The following ZSCAN4 variants were observed in gnomAD, a reference collection of about 807,000 sequenced individuals.
The protein encoded by ZSCAN4 is zinc finger and SCAN domain-containing protein 4.
A neutral mutation model predicts 18.3 loss-of-function variants in ZSCAN4; 18 were observed. The observed-to-expected ratio is 0.98, with a 90% confidence interval of 0.68 to 1.46. The LOEUF (loss-of-function observed/expected upper bound fraction) is 1.46, where lower values mean the gene tolerates loss of function less well. Among genes scored for constraint, ZSCAN4 ranks in the 40% most tolerant of loss-of-function variants. The pLI is 0.00. For synonymous variants in ZSCAN4, 193 were observed against 180.3 expected (o/e 1.07, Z -0.57); for missense variants, 498 against 511.4 (o/e 0.97, Z 0.25).
chr19:57,659,385 T>C, the ZSCAN4 span, among the ~76,000 whole-genome samples: 2 of 148,732 alleles, frequency 1.3e-5, no homozygotes, highest in African/African-American at 2.5e-5. Flanking sequence ...CCACAAAAAA[T>C]ATGCAATAAT....
chr19:57,654,801 C>T, the ZSCAN4 span, among the ~76,000 whole-genome samples: 1 of 152,284 alleles, frequency 6.6e-6, no homozygotes, highest in Non-Finnish European at 1.5e-5. Context: ...TTCACCTGGA[C>T]AGATCCTGAT....
upstream of ZSCAN4, among the ~76,000 whole-genome samples, chr19:57,667,155 T>C (rs1008926771): frequency 2.0e-5 from 3 of 152,262 alleles, no homozygotes; most frequent in Non-Finnish European, 2.9e-5. Flanking sequence ...TAAATTACTA[T>C]GTGGATTTCA....
intron 2 of ZSCAN4, 30 bp from the exon 3 acceptor site, chr19:57,676,011 A>G (rs1984169972): frequency 3.4e-6 from 3 of 881,478 alleles, no homozygotes; most frequent in Admixed American, 3.0e-5. Context: ...CAGTGGTGCA[A>G]TTAATTACTC....
At chr19:57,661,715 A>G in the ZSCAN4 span, among the ~76,000 whole-genome samples, 2 of 152,228 alleles carry the variant, frequency 1.3e-5, no homozygotes, top group Admixed American at 6.5e-5. Context: ...ATAAAAGTAG[A>G]CCTGTATAAA....
At chr19:57,652,090 T>A in the ZSCAN4 span, among the ~76,000 whole-genome samples, 4 of 152,010 alleles carry the variant, frequency 2.6e-5, no homozygotes, top group African/African-American at 9.7e-5. Flanking sequence ...ATGATTGGAA[T>A]CAGGATACTC....
intron 2 of ZSCAN4, among the ~76,000 whole-genome samples, chr19:57,672,454 T>G (rs1257393317): frequency 6.6e-6 from 1 of 152,130 alleles, no homozygotes; most frequent in African/African-American, 2.4e-5. Flanking sequence ...CTTTTTCTTG[T>G]TTTCCCTAGC....
exon 3 of ZSCAN4, chr19:57,676,176 T>C: frequency 1.2e-6 from 2 of 1,613,732 alleles, no homozygotes; most frequent in South Asian, 1.1e-5. Flanking sequence ...CATATTTCAG[T>C]GTGAACCATC....
the ZSCAN4 span, among the ~76,000 whole-genome samples, chr19:57,662,080 CAAA>C: frequency 2.2e-5 from 3 of 139,468 alleles, no homozygotes; most frequent in Non-Finnish European, 3.1e-5. Context: ...GACTCTGTCT[CAAA>C]AAAAAAAAAA....
chr19:57,665,809 G>A (rs930514154), upstream of ZSCAN4, among the ~76,000 whole-genome samples: 4 of 152,126 alleles, frequency 2.6e-5, no homozygotes, highest in Non-Finnish European at 4.4e-5. Context: ...CTACTCCGGA[G>A]GCTGAGGCAG....
Position 57,678,680 on chromosome 19 carries a change from G to A in ZSCAN4, c.1077G>A (p.Gln359=), listed in dbSNP as rs139172552. The A allele has an allele frequency of 2.5e-4, 397 of 1,614,146 alleles. 2 individuals are homozygous for A. The African/African-American group carries it at 4.9e-3, about 20-fold the overall frequency. The change falls in exon 5 of 5, where the codon CAG becomes CAA. Residue 359 remains glutamine, a synonymous_variant. Coordinates refer to ENST00000318203, the Ensembl canonical transcript of ZSCAN4. ...AGATATCAGACCTACGGGTGCATCA[G>A]ATAATTCACACAGGAAAGAAGCCTT...
chr19:57,679,127 T>G (rs1465918184), exon 5 of ZSCAN4: 2 of 358,938 alleles, frequency 5.6e-6, no homozygotes, highest in African/African-American at 2.1e-5. Flanking sequence ...ACCAATAAAT[T>G]TCTGTTGAAT....
At chr19:57,672,983 C>T (rs1984067512) in intron 2 of ZSCAN4, among the ~76,000 whole-genome samples, 1 of 152,098 alleles carries the variant, frequency 6.6e-6, no homozygotes, top group Admixed American at 6.6e-5. Context: ...TACATCAGAT[C>T]TCCAGAGCAT....
At chr19:57,672,025 T>C (rs944698052) in intron 2 of ZSCAN4, among the ~76,000 whole-genome samples, 1 of 152,112 alleles carries the variant, frequency 6.6e-6, no homozygotes, top group African/African-American at 2.4e-5. Flanking sequence ...AAAATAGCAA[T>C]GATATATTAA....
At position 57,670,584 on chromosome 19, in the gene ZSCAN4, G is replaced by A. The variant is rs1983988318; in HGVS notation, c.-106+17G>A. ...ACCAAGGAGGTAAGCTTCCATAATG[G>A]AAGGAAAATTTTGTGCCTTTGAGTG... is the stretch of plus-strand genomic sequence containing the variant. On this transcript the variant is annotated intron_variant, in intron 2 of 4. Coordinates refer to ENST00000318203, the Ensembl canonical transcript of ZSCAN4. The A allele has an allele frequency of 6.6e-6, 1 of 152,242 alleles. No homozygotes were observed. The highest frequency in any genetic ancestry group is 1.5e-5 in the Non-Finnish European group (1 of 68,070). The allele number at this position is 152,242 out of a possible 1,614,324, so 9.4% of individuals were successfully genotyped here.
chr19:57,673,269 C>T (rs1035938047), intron 2 of ZSCAN4, among the ~76,000 whole-genome samples: 2 of 151,878 alleles, frequency 1.3e-5, no homozygotes, highest in African/African-American at 2.4e-5. Flanking sequence ...TCAAGTGATA[C>T]GCCTGTCTCG....
At chr19:57,675,508 C>A (rs764935828) in intron 2 of ZSCAN4, among the ~76,000 whole-genome samples, 1 of 152,192 alleles carries the variant, frequency 6.6e-6, no homozygotes, top group African/African-American at 2.4e-5. Context: ...TCTCGAACTC[C>A]TGACCTCAAG....
the ZSCAN4 span, among the ~76,000 whole-genome samples, chr19:57,663,520 T>TAAAAAAAAAAAAAAAAAAAAAAA: frequency 3.3e-4 from 22 of 66,574 alleles, no homozygotes; most frequent in African/African-American, 1.4e-3. Flanking sequence ...ACCATGTCTC[T>TAAAAAAAAAAAAAAAAAAAAAAA]AAAAAAAAAA....
At chr19:57,661,684 C>T in the ZSCAN4 span, among the ~76,000 whole-genome samples, 1 of 152,068 alleles carries the variant, frequency 6.6e-6, no homozygotes, top group Admixed American at 6.6e-5. Context: ...TTTAAAAATG[C>T]TATTGAGGTA....
At chr19:57,653,006 C>T in the ZSCAN4 span, among the ~76,000 whole-genome samples, 6 of 152,270 alleles carry the variant, frequency 3.9e-5, no homozygotes, top group Non-Finnish European at 7.3e-5. Context: ...AGCTCATAAC[C>T]CAGTTGGGGC....
Sources: allele counts gnomAD v4.1 joint callset (sites outside exome capture counted in the v4.1 genomes callset), GRCh38; gene constraint gnomAD v4.1.1; transcripts MANE v1.5; gene names NCBI Gene and HGNC (gene_info 2026-07-23, HGNC 2026-07-21).